Variants in SLC9A2 observed in about 807,000 individuals in gnomAD.
The protein encoded by SLC9A2 is solute carrier family 9 member A2.
SLC9A2 carries 42 observed loss-of-function variants against 71.7 expected under a neutral mutation model. That is an observed-to-expected ratio of 0.59 (90% CI 0.46 to 0.76). The LOEUF is 0.76. SLC9A2 is among the 30% of genes least tolerant of loss of function. The probability of loss-of-function intolerance (pLI) is 0.00; values close to 1 mark genes in which losing one functional copy is unlikely to be tolerated. For missense variants in SLC9A2, 829 were observed against 1,017.4 expected, an observed-to-expected ratio of 0.81 and a Z score of 2.52; for synonymous variants, 396 against 392.5, an observed-to-expected ratio of 1.01 and a Z score of -0.10.
chr2:102,683,522 T>C, intron 4 of SLC9A2, 44 bp downstream of exon 4: 1 of 1,428,588 alleles, frequency 7.0e-7, no homozygotes, highest in Non-Finnish European at 9.9e-7. Context: ...TAACACTCAC[T>C]AATTGAATGG....
intron 5 of SLC9A2, among the ~76,000 whole-genome samples, chr2:102,690,523 G>A (rs62152129): frequency 0.2 from 29,813 of 152,102 alleles, 3,329 homozygotes; most frequent in South Asian, 0.33. Flanking sequence ...ATGGGAGCAC[G>A]TTTGGAGACT....
chr2:102,665,417 G>T (rs984487184), intron 3 of SLC9A2, 67 bp downstream of exon 3: 2 of 1,453,720 alleles, frequency 1.4e-6, no homozygotes, highest in Non-Finnish European at 1.9e-6. Flanking sequence ...TCTCAGCCAA[G>T]ATATTAAAGT....
At chr2:102,625,950 G>T (rs1676238709) in intron 1 of SLC9A2, among the ~76,000 whole-genome samples, 1 of 152,176 alleles carries the variant, frequency 6.6e-6, no homozygotes, top group Admixed American at 6.5e-5. Flanking sequence ...GTGTAAAAGT[G>T]TTCCTATTTC....
chr2:102,700,850 CACATACATAT>C (rs1677859445), intron 7 of SLC9A2, among the ~76,000 whole-genome samples: 1 of 151,570 alleles, frequency 6.6e-6, no homozygotes, highest in African/African-American at 2.4e-5. Context: ...TGTATACATA[CACATACATAT>C]ACATACGCAT....
intron 1 of SLC9A2, among the ~76,000 whole-genome samples, chr2:102,639,777 A>G (rs1339705868): frequency 6.6e-6 from 1 of 152,184 alleles, no homozygotes; most frequent in East Asian, 1.9e-4. Flanking sequence ...CATTCTAGGT[A>G]CCTTATGTAA....
At chr2:102,637,424 G>T (rs1676490206) in intron 1 of SLC9A2, among the ~76,000 whole-genome samples, 1 of 152,196 alleles carries the variant, frequency 6.6e-6, no homozygotes, top group Non-Finnish European at 1.5e-5. Flanking sequence ...GGGCACAGTT[G>T]CAGTGCCAGC....
intron 3 of SLC9A2, among the ~76,000 whole-genome samples, chr2:102,676,076 C>T (rs1160055958): frequency 6.6e-6 from 1 of 152,190 alleles, no homozygotes; most frequent in Admixed American, 6.5e-5. Context: ...TAAGAACTTC[C>T]AGAAAGCAGC....
chr2:102,687,970 C>T (rs574756887), intron 5 of SLC9A2, among the ~76,000 whole-genome samples: 22 of 151,916 alleles, frequency 1.4e-4, no homozygotes, highest in African/African-American at 5.1e-4. Flanking sequence ...AGTAGAGATG[C>T]GGTTTCGCTG....
intron 3 of SLC9A2, among the ~76,000 whole-genome samples, chr2:102,679,146 A>G (rs974044001): frequency 2.6e-5 from 4 of 152,140 alleles, no homozygotes; most frequent in African/African-American, 9.7e-5. Context: ...ACACTCCCTG[A>G]ACAGGACACT....
At chr2:102,694,542 G>A (rs776884706) in intron 6 of SLC9A2, 39 bp downstream of exon 6, 6 of 1,064,544 alleles carry the variant, frequency 5.6e-6, no homozygotes, top group Non-Finnish European at 6.8e-6. Context: ...AATGATAAAG[G>A]AAAAATATTT....
chr2:102,663,323 TC>T lies in SLC9A2; in HGVS notation c.754-1775del, dbSNP rs1364770582. On this transcript the variant is annotated intron_variant, in intron 2 of 11. Transcript: ENST00000233969. ...TAGGGAAAAGGAAATGTTCACTGTT[TC>T]CTAGGGAATAATCCACTATTTTTCA... is the stretch of plus-strand genomic sequence containing the variant. 8.5e-5 allele frequency among the ~76,000 whole-genome samples: 13 copies of T among 152,322 alleles called. 1 individual carries two copies. In the South Asian group the frequency reaches 2.5e-3, roughly 29 times the overall value.
chr2:102,708,287 C>G lies in SLC9A2; in HGVS notation c.2237C>G (p.Thr746Ser), dbSNP rs775747049. The G allele has an allele frequency of 1.2e-6, 2 of 1,613,726 alleles. No homozygotes were observed. The highest frequency in any genetic ancestry group is 1.1e-5 in the South Asian group (1 of 91,054). Reference protein sequence around the residue: ...DVDSGRDMPSTPPTPHSREKG... With the variant: ...DVDSGRDMPSSPPTPHSREKG... ...GATTCTGGCCGAGATATGCCCAGCACCCCCCCAACACCCCACAGCAGAGAA... is the reference window on the plus strand; with the variant it reads ...GATTCTGGCCGAGATATGCCCAGCAGCCCCCCAACACCCCACAGCAGAGAA... Residue 746 changes from threonine to serine, a missense_variant, in exon 12 of 12, where the codon ACC (threonine) becomes AGC (serine). By Grantham distance (58) the Thr-to-Ser change is moderately conservative. Transcript: ENST00000233969.
chr2:102,636,643 G>A (rs1380093689), intron 1 of SLC9A2, among the ~76,000 whole-genome samples: 2 of 152,300 alleles, frequency 1.3e-5, no homozygotes, highest in South Asian at 2.1e-4. Context: ...GGCATAAATC[G>A]TTTACTAACA....
At chr2:102,660,737 G>C (rs1677032670) in intron 2 of SLC9A2, among the ~76,000 whole-genome samples, 1 of 152,130 alleles carries the variant, frequency 6.6e-6, no homozygotes, top group Non-Finnish European at 1.5e-5. Flanking sequence ...GAGTCACTAG[G>C]AGTTGCAAAT....
intron 3 of SLC9A2, among the ~76,000 whole-genome samples, chr2:102,676,207 C>A (rs1303885989): frequency 5.3e-5 from 8 of 152,154 alleles, no homozygotes; most frequent in African/African-American, 1.9e-4. Context: ...CCCACATAGA[C>A]CAGGAGTCTT....
intron 3 of SLC9A2, among the ~76,000 whole-genome samples, chr2:102,676,888 T>C (rs777424905): frequency 3.3e-5 from 5 of 152,258 alleles, no homozygotes; most frequent in Admixed American, 6.5e-5. Context: ...AAAGCCTTAA[T>C]TGAGAATATA....
chr2:102,670,178 AT>A (rs397709089), intron 3 of SLC9A2, among the ~76,000 whole-genome samples: 66 of 145,636 alleles, frequency 4.5e-4, no homozygotes, highest in Admixed American at 1.4e-4. Flanking sequence ...CTACCCAGCT[AT>A]TTTTTTTTTT....
At chr2:102,632,947 A>G (rs1299050827) in intron 1 of SLC9A2, among the ~76,000 whole-genome samples, 3 of 152,136 alleles carry the variant, frequency 2.0e-5, no homozygotes, top group East Asian at 1.9e-4. Context: ...GCTTTTCCCA[A>G]TTCCTGGGCC....
chr2:102,693,251 T>C (rs1677698197), intron 5 of SLC9A2, among the ~76,000 whole-genome samples: 1 of 152,202 alleles, frequency 6.6e-6, no homozygotes, highest in Non-Finnish European at 1.5e-5. Context: ...GGACAAAAAC[T>C]CAATCATCCA....
Sources: gnomAD v4.1 joint callset for allele counts (sites outside exome capture counted in the v4.1 genomes callset) on GRCh38, gnomAD v4.1.1 for gene constraint, MANE v1.5 for transcripts, NCBI Gene and HGNC (gene_info 2026-07-23, HGNC 2026-07-21) for gene names.